Variants in NFAT5 observed in about 807,000 individuals in gnomAD.
The protein encoded by NFAT5 is nuclear factor of activated T-cells 5.
In NFAT5, 31 loss-of-function variants were observed where a neutral mutation model predicts 166.5. The ratio of observed to expected loss-of-function variants is 0.19; its 90% CI spans 0.14 to 0.25. The LOEUF (loss-of-function observed/expected upper bound fraction) is 0.25, where lower values mean the gene tolerates loss of function less well. Ranked by LOEUF, NFAT5 falls within the 10% of genes least tolerant of loss-of-function variation. The probability of loss-of-function intolerance (pLI) is 1.00; values close to 1 mark genes in which losing one functional copy is unlikely to be tolerated. For synonymous variants in NFAT5, 612 were observed against 639.7 expected (o/e 0.96, Z 0.65); for missense variants, 1,449 against 1,821.8 (o/e 0.80, Z 3.72).
chr16:69,685,190 AT>A (rs199580192), intron 11 of NFAT5: 14,405 of 113,846 alleles, frequency 0.13, 787 homozygotes, highest in Admixed American at 0.15. Flanking sequence ...ATATATATAT[AT>A]TTTTTTTTTT....
rs1051253511 is a variant in NFAT5 at position 69,623,785 on chromosome 16, G to A, written c.128-2618G>A. 2.7e-5 allele frequency among the ~76,000 whole-genome samples: 4 copies of A among 150,396 alleles called. No individual in the cohort carries two copies. The South Asian group carries it at 6.3e-4, about 24-fold the overall frequency. On this transcript the variant is annotated intron_variant, in intron 2 of 14. Coordinates refer to ENST00000349945, the MANE Select transcript of NFAT5 (RefSeq NM_138713.4). Reference sequence around the variant, plus strand: ...GCCTCCCAAGGTGCTGGGATTACAGGCATGAGCCACCACACCTGGCCTCAA... The same window carrying A: ...GCCTCCCAAGGTGCTGGGATTACAGACATGAGCCACCACACCTGGCCTCAA...
intron 2 of NFAT5, among the ~76,000 whole-genome samples, chr16:69,599,986 T>TAGA (rs1316381965): frequency 1.3e-5 from 2 of 152,234 alleles, no homozygotes; most frequent in African/African-American, 4.8e-5. Flanking sequence ...GGCTACAGTG[T>TAGA]AGATAATAAA....
At chr16:69,632,811 T>C (rs2034778210) in intron 3 of NFAT5, among the ~76,000 whole-genome samples, 1 of 152,174 alleles carries the variant, frequency 6.6e-6, no homozygotes, top group Non-Finnish European at 1.5e-5. Flanking sequence ...TGAGCTAAAA[T>C]GTTGTGAGTT....
chr16:69,648,988 GA>G, intron 4 of NFAT5: 2 of 971,350 alleles, frequency 2.1e-6, no homozygotes, highest in Non-Finnish European at 2.4e-6. Flanking sequence ...GTAGTTAAAT[GA>G]AAATGAATAT....
At chr16:69,687,029 A>G (rs961438010) in intron 11 of NFAT5, among the ~76,000 whole-genome samples, 34 of 152,208 alleles carry the variant, frequency 2.2e-4, no homozygotes, top group Non-Finnish European at 7.3e-5. Flanking sequence ...ATAATGTACT[A>G]CTAAATTGAA....
At chr16:69,626,565 G>A (rs1206719812) in intron 3 of NFAT5, 37 bp downstream of exon 3, 3 of 1,475,800 alleles carry the variant, frequency 2.0e-6, no homozygotes, top group Non-Finnish European at 1.8e-6. Flanking sequence ...AGAAAACTAG[G>A]GCCAATATAA....
chr16:69,649,316 A>G (rs1034893772), intron 4 of NFAT5: 1 of 969,096 alleles, frequency 1.0e-6, no homozygotes. Context: ...TTATATCAAA[A>G]TGAATGTTGA....
At chr16:69,570,214 G>T (rs2016349012) in intron 2 of NFAT5, among the ~76,000 whole-genome samples, 1 of 152,040 alleles carries the variant, frequency 6.6e-6, no homozygotes, top group South Asian at 2.1e-4. Context: ...TACCCTTTTA[G>T]AAATTATATA....
rs1021913663 is a variant in NFAT5, at chr16:69,698,378, T to A, written c.*2027T>A. ...TACTGAGTGAGTACATTGGCATAAA[T>A]ATAGAAATTTATATATATACATATA... On this transcript the variant is annotated 3_prime_UTR_variant, in exon 15 of 15. Transcript: ENST00000349945. 3 of 152,372 alleles carry A rather than the reference T, an allele frequency of 2.0e-5. No homozygotes were observed. The highest frequency in any genetic ancestry group is 7.2e-5 in the African/African-American group (3 of 41,414). 9.4% of individuals were successfully genotyped at this position (152,372 alleles called of 1,614,324 possible). A position where few individuals can be genotyped will look rare whatever the true frequency, so the allele number is the denominator to read the frequency against.
Position 69,701,786 on chromosome 16 carries a change from A to G in NFAT5, c.*5435A>G, listed in dbSNP as rs1388617207. 2 of 152,230 alleles carry G rather than the reference A, an allele frequency of 1.3e-5. No individual in the cohort carries two copies. The highest frequency in any genetic ancestry group is 4.8e-5 in the African/African-American group (2 of 41,462). The allele number at this position is 152,230 out of a possible 1,614,324, so 9.4% of individuals were successfully genotyped here. A position where few individuals can be genotyped will look rare whatever the true frequency, so the allele number is the denominator to read the frequency against. On this transcript the variant is annotated 3_prime_UTR_variant, in exon 15 of 15. Transcript: ENST00000349945. ...TAAAACATAGTTTAGGTAAAGCCTGATTATGCCACTTTTTTTTAACTAGAC... is the reference window on the plus strand; with the variant it reads ...TAAAACATAGTTTAGGTAAAGCCTGGTTATGCCACTTTTTTTTAACTAGAC...
chr16:69,617,012 C>T (rs529589614), intron 2 of NFAT5, among the ~76,000 whole-genome samples: 16 of 149,768 alleles, frequency 1.1e-4, no homozygotes, highest in African/African-American at 3.9e-4. Flanking sequence ...GGCGCGATCT[C>T]GGCTCACTGC....
At chr16:69,583,860 C>T (rs985982638) in intron 2 of NFAT5, among the ~76,000 whole-genome samples, 1 of 152,084 alleles carries the variant, frequency 6.6e-6, no homozygotes, top group African/African-American at 2.4e-5. Context: ...TATATGTAAC[C>T]TACAAGTAGC....
chr16:69,666,410 C>T (rs375108529), intron 7 of NFAT5, among the ~76,000 whole-genome samples: 1 of 151,006 alleles, frequency 6.6e-6, no homozygotes, highest in East Asian at 1.9e-4. Flanking sequence ...AAAATTTTCG[C>T]AACCTACTCA....
intron 2 of NFAT5, among the ~76,000 whole-genome samples, chr16:69,577,252 T>C (rs1247922018): frequency 6.6e-6 from 1 of 152,178 alleles, no homozygotes; most frequent in Non-Finnish European, 1.5e-5. Context: ...TATTGTAAAT[T>C]GTAGTTTAGA....
At chr16:69,599,335 G>C (rs772385938) in intron 2 of NFAT5, among the ~76,000 whole-genome samples, 15 of 152,288 alleles carry the variant, frequency 9.8e-5, no homozygotes, top group African/African-American at 3.1e-4. Context: ...CCAGCACTTC[G>C]GGAGGCTGAG....
intron 2 of NFAT5, among the ~76,000 whole-genome samples, chr16:69,574,436 A>G (rs1195998871): frequency 6.6e-6 from 1 of 152,206 alleles, no homozygotes; most frequent in Non-Finnish European, 1.5e-5. Context: ...ATAAAAGTCA[A>G]GTTTAAATAA....
At chr16:69,696,250 A>G (rs1250056849) in intron 14 of NFAT5, 110 bp from the exon 15 acceptor site, 1 of 152,230 alleles carries the variant, frequency 6.6e-6, no homozygotes, top group African/African-American at 2.4e-5. Context: ...CAAATATGAT[A>G]AAGTTTTACT....
At chr16:69,572,145 A>G (rs1273474030) in intron 2 of NFAT5, among the ~76,000 whole-genome samples, 3 of 152,160 alleles carry the variant, frequency 2.0e-5, no homozygotes, top group Non-Finnish European at 4.4e-5. Context: ...TCCTATCAAA[A>G]CAGTGCTAGT....
intron 2 of NFAT5, among the ~76,000 whole-genome samples, chr16:69,609,282 T>G (rs1418702038): frequency 6.6e-6 from 1 of 152,218 alleles, no homozygotes; most frequent in Admixed American, 6.5e-5. Context: ...CATTTCATGC[T>G]TCAGAGTAAT....
Sources: gnomAD v4.1 joint callset for allele counts (sites outside exome capture counted in the v4.1 genomes callset) on GRCh38, gnomAD v4.1.1 for gene constraint, MANE v1.5 for transcripts, NCBI Gene and HGNC (gene_info 2026-07-23, HGNC 2026-07-21) for gene names.